Variants in HSPA4L observed in about 807,000 individuals in gnomAD.
HSPA4L encodes the protein heat shock protein family A (Hsp70) member 4 like.
In HSPA4L, 48 loss-of-function variants were observed where a neutral mutation model predicts 100.3. The ratio of observed to expected loss-of-function variants is 0.48; its 90% CI spans 0.38 to 0.61. The LOEUF (loss-of-function observed/expected upper bound fraction) is 0.61, where lower values mean the gene tolerates loss of function less well. Ranked by LOEUF, HSPA4L falls within the 20% of genes least tolerant of loss-of-function variation. The probability of loss-of-function intolerance (pLI) is 0.00; values close to 1 mark genes in which losing one functional copy is unlikely to be tolerated. For synonymous variants in HSPA4L, 319 were observed against 328.2 expected (o/e 0.97, Z 0.30); for missense variants, 886 against 988.6 (o/e 0.90, Z 1.39).
chr4:127,795,810 C>T lies in HSPA4L; in HGVS notation c.208C>T (p.Leu70Phe). The T allele has an allele frequency of 6.2e-7, 1 of 1,613,662 alleles. No individual in the cohort carries two copies. Among genetic ancestry groups the T allele is most frequent in the South Asian group, 1.1e-5 (1 of 91,050 alleles). Residue 70 changes from leucine (L) to phenylalanine (F), a missense_variant, in exon 3 of 19, where the codon CTT becomes TTT. Physicochemically the swap from Leu to Phe is conservative, Grantham distance 22. Transcript: ENST00000296464. Reference sequence around the variant, plus strand: ...AAATACAATTCATGGCTTCAAAAAGCTTCATGGGCGATCATTTGATGATCC... The same window carrying T: ...AAATACAATTCATGGCTTCAAAAAGTTTCATGGGCGATCATTTGATGATCC... Reference protein sequence around the residue: ...VRNTIHGFKKLHGRSFDDPIV... With the variant: ...VRNTIHGFKKFHGRSFDDPIV...
chr4:127,816,294 A>G (rs189960023), intron 12 of HSPA4L, among the ~76,000 whole-genome samples: 30 of 152,326 alleles, frequency 2.0e-4, no homozygotes, highest in Admixed American at 5.9e-4. Context: ...CCCACTATTG[A>G]TAATATTTCT....
At chr4:127,829,758 G>A (rs1294342798) in intron 17 of HSPA4L, among the ~76,000 whole-genome samples, 1 of 151,810 alleles carries the variant, frequency 6.6e-6, no homozygotes, top group African/African-American at 2.4e-5. Flanking sequence ...TAAGGGAAGA[G>A]GTTCAGGCTA....
chr4:127,797,602 ATT>A (rs200747966), intron 3 of HSPA4L, among the ~76,000 whole-genome samples: 9 of 136,750 alleles, frequency 6.6e-5, no homozygotes, highest in Admixed American at 1.5e-4. Context: ...TTTAAAAAAA[ATT>A]TTTTTTTTTT....
intron 16 of HSPA4L, among the ~76,000 whole-genome samples, chr4:127,825,926 CAAAAAAAAAA>C (rs78623521): frequency 1.7e-5 from 1 of 57,232 alleles, no homozygotes. Flanking sequence ...AACTCCATCT[CAAAAAAAAAA>C]AAAAAAAAGA....
At chr4:127,790,894 G>A (rs770454667) in intron 1 of HSPA4L, among the ~76,000 whole-genome samples, 4 of 152,152 alleles carry the variant, frequency 2.6e-5, no homozygotes, top group Non-Finnish European at 5.9e-5. Flanking sequence ...GGAGGCCAAG[G>A]CAGGTGGATC....
chr4:127,795,455 A>G (rs544373360), intron 2 of HSPA4L, among the ~76,000 whole-genome samples: 1 of 152,302 alleles, frequency 6.6e-6, no homozygotes, highest in Admixed American at 6.5e-5. Context: ...GCTCGAGGAA[A>G]ACCAAAAAGA....
intron 1 of HSPA4L, among the ~76,000 whole-genome samples, chr4:127,789,901 C>T (rs1472548572): frequency 6.6e-6 from 1 of 152,056 alleles, no homozygotes; most frequent in African/African-American, 2.4e-5. Flanking sequence ...AAATACTTGG[C>T]AGGTATTTTT....
intron 16 of HSPA4L, among the ~76,000 whole-genome samples, chr4:127,825,241 C>G (rs1198663743): frequency 1.3e-5 from 2 of 151,932 alleles, no homozygotes; most frequent in Non-Finnish European, 2.9e-5. Flanking sequence ...TATGAATTAC[C>G]TGGGTGCTTA....
At position 127,799,443 on chromosome 4, in the gene HSPA4L, A is replaced by G. The variant is rs555508312; in HGVS notation, c.429+734A>G. 3.3e-5 allele frequency among the ~76,000 whole-genome samples: 5 copies of G among 152,176 alleles called. No homozygotes were observed. In the East Asian group the frequency reaches 7.7e-4, roughly 23 times the overall value. On this transcript the variant is annotated intron_variant, in intron 4 of 18. Coordinates refer to ENST00000296464, the MANE Select transcript of HSPA4L (RefSeq NM_014278.4). ...ACCCATTTAATCTCAGAAGCAATCTATAAGGTAGGGATATTATTAACCCTA... is the reference window on the plus strand; with the variant it reads ...ACCCATTTAATCTCAGAAGCAATCTGTAAGGTAGGGATATTATTAACCCTA...
At chr4:127,782,997 C>T (rs1360039236) in intron 1 of HSPA4L, among the ~76,000 whole-genome samples, 1 of 152,130 alleles carries the variant, frequency 6.6e-6, no homozygotes, top group Admixed American at 6.5e-5. Context: ...CCCTGGCGTC[C>T]GGAATATTGA....
At chr4:127,821,842 A>C (rs1207253996) in intron 14 of HSPA4L, among the ~76,000 whole-genome samples, 1 of 152,136 alleles carries the variant, frequency 6.6e-6, no homozygotes, top group Non-Finnish European at 1.5e-5. Flanking sequence ...GGATAAGAAA[A>C]CTTATGTTTA....
chr4:127,782,726 C>A, intron 1 of HSPA4L, 69 bp downstream of exon 1: 1 of 1,135,056 alleles, frequency 8.8e-7, no homozygotes, highest in Non-Finnish European at 1.3e-6. Flanking sequence ...TAACGTTTGT[C>A]CTGTCTGCTC....
rs1226943856 is a variant in HSPA4L at position 127,798,786 on chromosome 4, TCCCTTACACTTTCTG to T, written c.429+84_429+98del. 3.6e-5 allele frequency: 50 copies of T among 1,392,312 alleles called. No homozygotes were observed. In the East Asian group the frequency reaches 1.1e-3, roughly 31 times the overall value. 86.2% of individuals were successfully genotyped at this position (1,392,312 alleles called of 1,614,324 possible). ...TAATGTAATATTGAAAGATTTTTCTTCCCTTACACTTTCTGCCCTTATCCAGTAAATAACCTAAAT... is the reference window on the plus strand; with the variant it reads ...TAATGTAATATTGAAAGATTTTTCTTCCCTTATCCAGTAAATAACCTAAAT... On this transcript the variant is annotated intron_variant, in intron 4 of 18. Coordinates refer to ENST00000296464, the MANE Select transcript of HSPA4L (RefSeq NM_014278.4).
rs755856993 is a variant in HSPA4L at position 127,830,624 on chromosome 4, T to C, written c.2167-14T>C. 2 of 1,563,276 alleles carry C rather than the reference T, an allele frequency of 1.3e-6. No homozygotes were observed. Among genetic ancestry groups the C allele is most frequent in the South Asian group, 1.2e-5 (1 of 83,018 alleles). Reference sequence around the variant, plus strand: ...AATCATTAACATGCAGTCAAGCTTTTTTTTTTTAAATAGGATGAAAGATAT... The same window carrying C: ...AATCATTAACATGCAGTCAAGCTTTCTTTTTTTAAATAGGATGAAAGATAT... On this transcript the variant is annotated splice_polypyrimidine_tract_variant and intron_variant, in intron 17 of 18. Coordinates refer to ENST00000296464, the MANE Select transcript of HSPA4L (RefSeq NM_014278.4).
chr4:127,809,557 A>G (rs1733468851), intron 11 of HSPA4L: 1 of 721,508 alleles, frequency 1.4e-6, no homozygotes, highest in Non-Finnish European at 2.5e-6. Flanking sequence ...ATGAACTGTG[A>G]CTTTCAAAAT....
In HSPA4L at chr4:127,791,101, CA is replaced by C. The variant is rs1419736507; in HGVS notation, c.108-2965del. ...GGGTGACAGAGCAAGACCCTGTCTC[CA>C]AAAAAAAAAAGTTCCAATAATTAAA... On this transcript the variant is annotated intron_variant, in intron 1 of 18. Coordinates refer to ENST00000296464, the MANE Select transcript of HSPA4L (RefSeq NM_014278.4). Among the ~76,000 whole-genome samples the C allele has an allele frequency of 2.6e-3, 347 of 133,818 alleles. 2 individuals are homozygous for C. Among genetic ancestry groups the C allele is most frequent in the African/African-American group, 6.9e-3 (250 of 36,344 alleles). 87.8% of individuals were successfully genotyped at this position (133,818 alleles called of 152,430 possible).
rs560480699 is a variant in HSPA4L, at chr4:127,832,783, T to C, written c.2429T>C (p.Met810Thr). The C allele has an allele frequency of 8.1e-6, 13 of 1,613,722 alleles. No individual in the cohort carries two copies. Among genetic ancestry groups the C allele is most frequent in the Admixed American group, 6.7e-5 (4 of 59,972 alleles). The change falls in exon 19 of 19, where the codon ATG (methionine) becomes ACG (threonine). Residue 810 changes from methionine (M) to threonine (T), a missense_variant. Coordinates refer to ENST00000296464, the MANE Select transcript of HSPA4L (RefSeq NM_014278.4). ...GCTAATAGTGAACACAATGGCCCAATGGATGGACAGAGTGGAACTGAAACT... is the reference window on the plus strand; with the variant it reads ...GCTAATAGTGAACACAATGGCCCAACGGATGGACAGAGTGGAACTGAAACT... ...PKANSEHNGP[M>T]DGQSGTETKS...
chr4:127,818,259 C>T, intron 12 of HSPA4L, 66 bp from the exon 13 acceptor site: 1 of 1,042,718 alleles, frequency 9.6e-7, no homozygotes, highest in Non-Finnish European at 1.5e-6. Context: ...TCTTAAGATG[C>T]AGTTTACATT....
intron 3 of HSPA4L, 84 bp downstream of exon 3, chr4:127,795,992 CT>C: frequency 6.5e-6 from 9 of 1,385,548 alleles, no homozygotes; most frequent in South Asian, 3.9e-5. Context: ...GTAGTTTGAC[CT>C]TTTTCCTCTA....
Sources: allele counts gnomAD v4.1 joint callset (sites outside exome capture counted in the v4.1 genomes callset), GRCh38; gene constraint gnomAD v4.1.1; transcripts MANE v1.5; gene names NCBI Gene and HGNC (gene_info 2026-07-23, HGNC 2026-07-21).